Variants in TRIP4 observed in about 807,000 individuals in gnomAD.
TRIP4 encodes thyroid hormone receptor interactor 4.
A neutral mutation model predicts 81.8 loss-of-function variants in TRIP4; 54 were observed. The ratio of observed to expected loss-of-function variants is 0.66; its 90% CI spans 0.53 to 0.83. The LOEUF (loss-of-function observed/expected upper bound fraction) is 0.83, where lower values mean the gene tolerates loss of function less well. Ranked by LOEUF, TRIP4 falls within the 40% of genes least tolerant of loss-of-function variation. The pLI is 0.00. For synonymous variants in TRIP4, 270 were observed against 242.8 expected, an observed-to-expected ratio of 1.11 and a Z score of -1.04; for missense variants, 662 against 683.6, an observed-to-expected ratio of 0.97 and a Z score of 0.35.
intron 11 of TRIP4, among the ~76,000 whole-genome samples, chr15:64,427,417 C>G (rs1361944307): frequency 6.6e-6 from 1 of 152,180 alleles, no homozygotes; most frequent in East Asian, 1.9e-4. Context: ...GGGTCTCACT[C>G]TGTCGTCCAG....
intron 7 of TRIP4, among the ~76,000 whole-genome samples, chr15:64,412,466 G>A (rs548072226): frequency 1.3e-5 from 2 of 151,666 alleles, no homozygotes; most frequent in African/African-American, 4.8e-5. Context: ...AATGGATTGT[G>A]CCTGTTTCAT....
At chr15:64,419,430 C>G (rs181712894) in intron 9 of TRIP4, among the ~76,000 whole-genome samples, 1,973 of 152,166 alleles carry the variant, frequency 0.013, 31 homozygotes, top group African/African-American at 0.046. Context: ...GTGGTCTCGG[C>G]TCACTGCAAC....
chr15:64,427,092 T>C (rs1421473695), intron 11 of TRIP4, among the ~76,000 whole-genome samples: 1 of 152,148 alleles, frequency 6.6e-6, no homozygotes, highest in African/African-American at 2.4e-5. Context: ...AATTAGAAAA[T>C]TCCTGAAATG....
intron 1 of TRIP4, among the ~76,000 whole-genome samples, chr15:64,392,672 A>G (rs1900169909): frequency 6.6e-6 from 1 of 152,080 alleles, no homozygotes; most frequent in Non-Finnish European, 1.5e-5. Flanking sequence ...GCTGGAATGT[A>G]GTGGTGCAAT....
intron 5 of TRIP4, 100 bp from the exon 6 acceptor site, chr15:64,406,230 C>T: frequency 6.8e-7 from 1 of 1,467,622 alleles, no homozygotes. Context: ...GGCCATCAGG[C>T]CAGAACCAGA....
intron 9 of TRIP4, 29 bp from the exon 10 acceptor site, chr15:64,424,002 C>G (rs1892078000): frequency 1.9e-6 from 3 of 1,612,056 alleles, no homozygotes; most frequent in Non-Finnish European, 2.5e-6. Flanking sequence ...GAATTTATAT[C>G]CTTCCCACTA....
chr15:64,443,160 T>A (rs1285682082), intron 11 of TRIP4, among the ~76,000 whole-genome samples: 1 of 152,202 alleles, frequency 6.6e-6, no homozygotes, highest in East Asian at 1.9e-4. Flanking sequence ...GGAGTACAGA[T>A]AATCTTTTGA....
chr15:64,435,457 C>T (rs181751518), intron 11 of TRIP4, among the ~76,000 whole-genome samples: 2 of 146,606 alleles, frequency 1.4e-5, no homozygotes, highest in East Asian at 2.0e-4. Context: ...ACCTGGGTGG[C>T]GGAGGTTGCA....
chr15:64,395,360 C>A, intron 2 of TRIP4, 38 bp from the exon 3 acceptor site: 1 of 1,522,384 alleles, frequency 6.6e-7, no homozygotes, highest in East Asian at 2.3e-5. Context: ...TCTTATCAAT[C>A]TGTGTGTGTG....
intron 9 of TRIP4, among the ~76,000 whole-genome samples, chr15:64,423,253 G>A (rs1040467251): frequency 3.3e-5 from 5 of 152,050 alleles, no homozygotes; most frequent in African/African-American, 1.2e-4. Context: ...CAGATCACAA[G>A]GTCAAGAGAT....
intron 11 of TRIP4, among the ~76,000 whole-genome samples, chr15:64,434,100 TA>T (rs947798355): frequency 1.7e-4 from 26 of 151,108 alleles, no homozygotes; most frequent in Non-Finnish European, 3.0e-4. Context: ...ACTGCCCAAT[TA>T]AAAAAAAATT....
In TRIP4 at chr15:64,397,677, C is replaced by G; in HGVS notation, c.477C>G (p.Asp159Glu). The change falls in exon 4 of 13, where the codon GAC (aspartate) becomes GAG (glutamate). Residue 159 changes from aspartate to glutamate, a missense_variant. By Grantham distance (45) the Asp-to-Glu change is conservative. Transcript: ENST00000261884. Reference protein sequence around the residue: ...FVNLYTREGQDRLAVLLPGRH... With the variant: ...FVNLYTREGQERLAVLLPGRH... ...ATTTATACACAAGAGAGGGACAGGACAGGCTTGCAGTCCTGCTCCCTGGTC... is the reference window on the plus strand; with the variant it reads ...ATTTATACACAAGAGAGGGACAGGAGAGGCTTGCAGTCCTGCTCCCTGGTC... The G allele has an allele frequency of 6.2e-7, 1 of 1,614,176 alleles. No homozygotes were observed. Among genetic ancestry groups the G allele is most frequent in the Non-Finnish European group, 8.5e-7 (1 of 1,180,022 alleles).
chr15:64,393,624 T>C (rs530451970), intron 1 of TRIP4: 1 of 165,794 alleles, frequency 6.0e-6, no homozygotes, highest in South Asian at 2.0e-4. Context: ...TTTTCCCATA[T>C]ATATTATAAT....
At position 64,425,532 on chromosome 15, in the gene TRIP4, T is replaced by C; in HGVS notation, c.1484-8T>C. 6.2e-7 allele frequency: 1 copy of C among 1,604,712 alleles called. No homozygotes were observed. The highest frequency in any genetic ancestry group is 8.5e-7 in the Non-Finnish European group (1 of 1,176,624). ...ATTTATTCAATATTTTTGTTATTCC[T>C]GATTCAGATGTGGAATTTCCTAATG... On this transcript the variant is annotated splice_polypyrimidine_tract_variant and splice_region_variant and intron_variant, in intron 10 of 12. Transcript: ENST00000261884.
intron 7 of TRIP4, among the ~76,000 whole-genome samples, chr15:64,413,794 G>C (rs866164883): frequency 9.2e-5 from 14 of 151,572 alleles, no homozygotes; most frequent in Non-Finnish European, 1.6e-4. Flanking sequence ...CACCATGTTG[G>C]CCAGGATGGT....
At chr15:64,438,227 C>G (rs1892444032) in intron 11 of TRIP4, among the ~76,000 whole-genome samples, 1 of 152,190 alleles carries the variant, frequency 6.6e-6, no homozygotes. Context: ...CTAAAATTGG[C>G]ACAGCCCTTA....
At chr15:64,390,087 A>G (rs1900077635) in intron 1 of TRIP4, among the ~76,000 whole-genome samples, 1 of 147,800 alleles carries the variant, frequency 6.8e-6, no homozygotes, top group Admixed American at 6.8e-5. Context: ...ATTATATTAA[A>G]TATATTAAAT....
At chr15:64,427,015 A>C (rs1348979994) in intron 11 of TRIP4, among the ~76,000 whole-genome samples, 1 of 152,146 alleles carries the variant, frequency 6.6e-6, no homozygotes, top group Non-Finnish European at 1.5e-5. Context: ...AAAGAAAAAA[A>C]AAAGATTGAA....
At chr15:64,425,934 T>C (rs575892768) in intron 11 of TRIP4, among the ~76,000 whole-genome samples, 1 of 152,182 alleles carries the variant, frequency 6.6e-6, no homozygotes, top group African/African-American at 2.4e-5. Flanking sequence ...ATACAAAAAA[T>C]TAGCCGGGTG....
Sources: allele counts gnomAD v4.1 joint callset (sites outside exome capture counted in the v4.1 genomes callset), GRCh38; gene constraint gnomAD v4.1.1; transcripts MANE v1.5; gene names NCBI Gene and HGNC (gene_info 2026-07-23, HGNC 2026-07-21).